DCT: variants seen among roughly 807,000 people sequenced by gnomAD.
DCT encodes dopachrome tautomerase, also known as L-dopachrome tautomerase.
Under a neutral mutation model 53.0 loss-of-function variants are expected in DCT, and 47 were observed. That is an observed-to-expected ratio of 0.89 (90% CI 0.70 to 1.13). The LOEUF is 1.13. DCT is among the 50% of genes most tolerant of loss of function. DCT has a pLI of 0.00. For synonymous variants in DCT, 244 were observed against 237.0 expected (o/e 1.03, Z -0.27); for missense variants, 669 against 637.4 (o/e 1.05, Z -0.53).
chr13:94,482,594 A>G (rs1318156158), upstream of DCT, among the ~76,000 whole-genome samples: 1 of 152,222 alleles, frequency 6.6e-6, no homozygotes, highest in Admixed American at 6.5e-5. Flanking sequence ...CTGGACTATA[A>G]GCTCCTTAAC....
At chr13:94,446,309 T>C (rs767515754) in intron 6 of DCT, among the ~76,000 whole-genome samples, 1 of 152,160 alleles carries the variant, frequency 6.6e-6, no homozygotes, top group African/African-American at 2.4e-5. Flanking sequence ...CCATCAGTAC[T>C]ATTATTATTT....
At chr13:94,498,367 T>C in the DCT span, among the ~76,000 whole-genome samples, 1 of 152,186 alleles carries the variant, frequency 6.6e-6, no homozygotes, top group Non-Finnish European at 1.5e-5. Flanking sequence ...TTGCATCCCC[T>C]CTCCCTGCTC....
chr13:94,543,054 G>C, the DCT span, among the ~76,000 whole-genome samples: 2 of 152,190 alleles, frequency 1.3e-5, no homozygotes, highest in Admixed American at 6.5e-5. Flanking sequence ...ATTTATTAAG[G>C]GGCCTCTAAC....
At chr13:94,514,610 G>A in the DCT span, among the ~76,000 whole-genome samples, 1 of 152,210 alleles carries the variant, frequency 6.6e-6, no homozygotes, top group African/African-American at 2.4e-5. Context: ...GAGTTAACCA[G>A]GCAGAGTGGG....
chr13:94,453,112 G>T (rs1883202370), intron 6 of DCT, among the ~76,000 whole-genome samples: 1 of 152,092 alleles, frequency 6.6e-6, no homozygotes, highest in South Asian at 2.1e-4. Flanking sequence ...GTGCCTTATA[G>T]AGATGGTCCT....
At chr13:94,490,441 G>T in the DCT span, among the ~76,000 whole-genome samples, 1 of 144,002 alleles carries the variant, frequency 6.9e-6, no homozygotes, top group African/African-American at 2.6e-5. Flanking sequence ...GCAGGTAGAG[G>T]TTGCAGTGAG....
At chr13:94,470,950 G>A (rs946905380) in intron 1 of DCT, among the ~76,000 whole-genome samples, 1 of 152,202 alleles carries the variant, frequency 6.6e-6, no homozygotes, top group Non-Finnish European at 1.5e-5. Flanking sequence ...TGTGTGTTGA[G>A]TGAATAACAG....
chr13:94,487,966 T>C, the DCT span, among the ~76,000 whole-genome samples: 2 of 152,190 alleles, frequency 1.3e-5, no homozygotes, highest in African/African-American at 4.8e-5. Flanking sequence ...GAGTGCATTT[T>C]TTTCATCTTG....
rs773190838 is a variant in DCT at position 94,439,962 on chromosome 13, CGAAGTCTTCTATATT to C, written c.1481_1495del (p.Gln494_Leu498del). The stretch of plus-strand genomic sequence containing the variant: ...CTCCATTAGGGGTGTATATCCTTTT[CGAAGTCTTCTATATT>C]GAAGAAAAGCCAACAGCACAAAAAG... On this transcript the variant is annotated inframe_deletion, in exon 8 of 8. Transcript: ENST00000377028. 1 of 1,613,966 alleles carries C rather than the reference CGAAGTCTTCTATATT, an allele frequency of 6.2e-7. No individual in the cohort carries two copies. Among genetic ancestry groups the C allele is most frequent in the South Asian group, 1.1e-5 (1 of 91,078 alleles).
chr13:94,545,168 C>T, the DCT span, among the ~76,000 whole-genome samples: 11 of 152,164 alleles, frequency 7.2e-5, no homozygotes, highest in Non-Finnish European at 1.5e-4. Flanking sequence ...TCTATTAGAG[C>T]ACATCACGCT....
At chr13:94,482,331 A>G (rs1885475651), upstream of DCT, among the ~76,000 whole-genome samples, 1 of 152,110 alleles carries the variant, frequency 6.6e-6, no homozygotes, top group Non-Finnish European at 1.5e-5. Flanking sequence ...ATGGCAGACT[A>G]TTGCAATCAC....
chr13:94,452,637 T>C (rs1242791548), intron 6 of DCT: 2 of 768,036 alleles, frequency 2.6e-6, no homozygotes, highest in African/African-American at 1.7e-5. Flanking sequence ...TGTTGTAGCA[T>C]TGTAAAGCAA....
the DCT span, among the ~76,000 whole-genome samples, chr13:94,501,835 A>C: frequency 6.6e-6 from 1 of 152,296 alleles, no homozygotes; most frequent in Non-Finnish European, 1.5e-5. Flanking sequence ...ACAAGGCTGC[A>C]GATTGAGCAG....
chr13:94,498,950 C>G, the DCT span, among the ~76,000 whole-genome samples: 2 of 152,062 alleles, frequency 1.3e-5, no homozygotes, highest in Non-Finnish European at 2.9e-5. Context: ...CCAGTCAGCA[C>G]TCTGTAAAAT....
At chr13:94,527,889 GA>G in the DCT span, among the ~76,000 whole-genome samples, 61,345 of 151,874 alleles carry the variant, frequency 0.4, 13,115 homozygotes, top group East Asian at 0.62. Context: ...TAAAAACCTT[GA>G]AAAAAGGTTA....
rs775382645 is a variant in DCT at position 94,465,682 on chromosome 13, G to GAGT, written c.811_813dup (p.Thr271dup). On this transcript the variant is annotated inframe_insertion, in exon 4 of 8. Coordinates refer to ENST00000377028, the MANE Select transcript of DCT (RefSeq NM_001922.5). Reference sequence around the variant, plus strand: ...GAGAATCTTGAGTTCCGACTAATCAGAGTCGGATCGTCTGGTCTCGCTGCC... The same window carrying GAGT: ...GAGAATCTTGAGTTCCGACTAATCAGAGTAGTCGGATCGTCTGGTCTCGCTGCC... 2.4e-5 allele frequency: 39 copies of GAGT among 1,613,444 alleles called. No homozygotes were observed. Among genetic ancestry groups the GAGT allele is most frequent in the Non-Finnish European group, 5.9e-6 (7 of 1,179,860 alleles).
At chr13:94,496,085 G>T in the DCT span, among the ~76,000 whole-genome samples, 1 of 152,150 alleles carries the variant, frequency 6.6e-6, no homozygotes, top group South Asian at 2.1e-4. Flanking sequence ...ATGTTACCCA[G>T]CCCTTTCTTC....
chr13:94,471,547 T>C (rs996348622), intron 1 of DCT, among the ~76,000 whole-genome samples: 2 of 152,244 alleles, frequency 1.3e-5, no homozygotes, highest in Admixed American at 1.3e-4. Context: ...CATCAGATGC[T>C]ATGCAAGATG....
the DCT span, among the ~76,000 whole-genome samples, chr13:94,531,690 A>C: frequency 6.6e-6 from 1 of 152,228 alleles, no homozygotes; most frequent in Non-Finnish European, 1.5e-5. Context: ...CAAAAACCCT[A>C]GAAGAAAACC....
Sources: gnomAD v4.1 joint callset for allele counts (sites outside exome capture counted in the v4.1 genomes callset) on GRCh38, gnomAD v4.1.1 for gene constraint, MANE v1.5 for transcripts, NCBI Gene and HGNC (gene_info 2026-07-23, HGNC 2026-07-21) for gene names.